The following ABI3 variants were observed in gnomAD, a reference collection of about 807,000 sequenced individuals.
ABI3 encodes ABI family member 3.
A neutral mutation model predicts 37.0 loss-of-function variants in ABI3; 24 were observed. The observed-to-expected ratio is 0.65, with a 90% CI of 0.47 to 0.91. The LOEUF (loss-of-function observed/expected upper bound fraction) is 0.91, where lower values mean the gene tolerates loss of function less well. Ranked by LOEUF, ABI3 falls within the 40% of genes least tolerant of loss-of-function variation. ABI3 has a pLI of 0.00. For synonymous variants in ABI3, 220 were observed against 211.8 expected (o/e 1.04, Z -0.34); for missense variants, 481 against 485.1 (o/e 0.99, Z 0.08).
At chr17:49,220,097 G>A (rs1028618093) in intron 5 of ABI3, 72 bp from the exon 6 acceptor site, 10 of 1,602,340 alleles carry the variant, frequency 6.2e-6, no homozygotes, top group South Asian at 2.2e-5. Context: ...GGTCAGGATT[G>A]GAGGGGTGGG....
chr17:49,216,257 C>T (rs1277254237), intron 1 of ABI3, among the ~76,000 whole-genome samples: 2 of 152,086 alleles, frequency 1.3e-5, no homozygotes, highest in Non-Finnish European at 2.9e-5. Flanking sequence ...GTACTCAGTC[C>T]TCAGCTTAAC....
At chr17:49,218,770 ATTT>A (rs71144583) in intron 3 of ABI3, among the ~76,000 whole-genome samples, 5 of 131,770 alleles carry the variant, frequency 3.8e-5, no homozygotes, top group African/African-American at 1.5e-4. Flanking sequence ...TGCCCGGCTA[ATTT>A]TTTTTTTTTT....
At chr17:49,221,019 A>G (rs982131907) in intron 6 of ABI3, among the ~76,000 whole-genome samples, 1 of 138,686 alleles carries the variant, frequency 7.2e-6, no homozygotes. Context: ...CTAAAAATAC[A>G]AAAATTAGCC....
At chr17:49,222,337 A>T in intron 7 of ABI3, 112 bp downstream of exon 7, 2 of 1,450,512 alleles carry the variant, frequency 1.4e-6, no homozygotes, top group Non-Finnish European at 9.2e-7. Flanking sequence ...CCCCCACACA[A>T]TTTTTCTGAC....
chr17:49,213,461 C>G (rs2143513880), intron 1 of ABI3, among the ~76,000 whole-genome samples: 1 of 152,238 alleles, frequency 6.6e-6, no homozygotes, highest in East Asian at 1.9e-4. Context: ...ATTCCCCTAC[C>G]CTCCAACCCC....
At position 49,219,444 on chromosome 17, in the gene ABI3, G is replaced by A. The variant is rs2043255021; in HGVS notation, c.463-96G>A. 8 of 1,125,420 alleles carry A rather than the reference G, an allele frequency of 7.1e-6. No homozygotes were observed. The Admixed American group carries it at 1.2e-4, about 17-fold the overall frequency. The allele number at this position is 1,125,420 out of a possible 1,614,324, so 69.7% of individuals were successfully genotyped here. A position where few individuals can be genotyped will look rare whatever the true frequency, so the allele number is the denominator to read the frequency against. On this transcript the variant is annotated intron_variant, in intron 3 of 7. Coordinates refer to ENST00000225941, the MANE Select transcript of ABI3 (RefSeq NM_016428.3). This position sits in a 1 kb window ranked among gnomAD's most constrained non-coding sequence, Gnocchi z 4.3. Reference sequence around the variant, plus strand: ...CTGGCTATGCCGGGCTCTCCCTCCCGGTTCCCGTCCGCCCCTCCTCCATTT... The same window carrying A: ...CTGGCTATGCCGGGCTCTCCCTCCCAGTTCCCGTCCGCCCCTCCTCCATTT...
At chr17:49,215,967 T>C (rs9896800) in intron 1 of ABI3, among the ~76,000 whole-genome samples, 69,876 of 151,028 alleles carry the variant, frequency 0.46, 18,469 homozygotes, top group African/African-American at 0.7. Context: ...CAAAATAAGC[T>C]GGGCGTGGTG....
chr17:49,210,771 G>T lies in ABI3; in HGVS notation c.47G>T (p.Arg16Leu). Reference sequence around the variant, plus strand: ...CAGGAGTTTGAGATCCCCACTGGCCGGGAGGCTCTGAGGGGCAACCACAGT... The same window carrying T: ...CAGGAGTTTGAGATCCCCACTGGCCTGGAGGCTCTGAGGGGCAACCACAGT... Reference protein sequence around the residue: ...QLQEFEIPTGREALRGNHSAL... With the variant: ...QLQEFEIPTGLEALRGNHSAL... The change falls in exon 1 of 8, where the codon CGG becomes CTG. Residue 16 changes from arginine (R) to leucine (L), a missense_variant. Arg to Leu is a moderately radical substitution (Grantham distance 102). Coordinates refer to ENST00000225941, the MANE Select transcript of ABI3 (RefSeq NM_016428.3). The surrounding 1 kb of genome is among the most constrained non-coding windows in gnomAD (Gnocchi z 4.2). 1 of 1,555,624 alleles carries T rather than the reference G, an allele frequency of 6.4e-7. No individual in the cohort carries two copies.
rs1321185893 is a variant in ABI3, at chr17:49,220,317, C to T, written c.793C>T (p.Pro265Ser). 1.3e-6 allele frequency: 2 copies of T among 1,587,128 alleles called. No homozygotes were observed. The highest frequency in any genetic ancestry group is 1.1e-5 in the South Asian group (1 of 87,518). ...RPPTLEELSP[P>S]PPDEELPLPL... is the part of the protein sequence containing the mutation. The stretch of plus-strand genomic sequence containing the variant: ...TCCCACGCTGGAGGAGTTGTCCCCA[C>T]CCCCACCGGGTAAGGAGGTCCACCC... The change falls in exon 6 of 8, where the codon CCC (proline) becomes TCC (serine). Residue 265 changes from proline (P) to serine (S), a missense_variant. Coordinates refer to ENST00000225941, the MANE Select transcript of ABI3 (RefSeq NM_016428.3).
chr17:49,222,471 G>C, intron 7 of ABI3, 81 bp from the exon 8 acceptor site: 1 of 1,525,616 alleles, frequency 6.6e-7, no homozygotes. Context: ...ACTTGAGACC[G>C]TGCATCCCCA....
At chr17:49,214,029 AG>A (rs1260996546) in intron 1 of ABI3, among the ~76,000 whole-genome samples, 23 of 152,370 alleles carry the variant, frequency 1.5e-4, no homozygotes, top group Admixed American at 9.8e-4. Context: ...CATGCAAATG[AG>A]CATCTCTTTC....
chr17:49,220,037 C>T (rs1489374795), intron 5 of ABI3, 84 bp downstream of exon 5: 6 of 1,533,184 alleles, frequency 3.9e-6, no homozygotes, highest in African/African-American at 1.4e-5. Context: ...CATAGTGACT[C>T]CTGGGCTTGA....
intron 6 of ABI3, among the ~76,000 whole-genome samples, chr17:49,221,194 G>A (rs1430692216): frequency 4.0e-5 from 6 of 151,100 alleles, no homozygotes; most frequent in Admixed American, 6.6e-5. Flanking sequence ...ATAAAGGCCG[G>A]GTGTGGTGGC....
At position 49,219,746 on chromosome 17, in the gene ABI3, G is replaced by A; in HGVS notation, c.549-112G>A. Reference sequence around the variant, plus strand: ...GGGTGCTCAGGCCGTCATGCTGGATGCCTGGCGCCAAACCTCCCCCTCGGC... The same window carrying A: ...GGGTGCTCAGGCCGTCATGCTGGATACCTGGCGCCAAACCTCCCCCTCGGC... On this transcript the variant is annotated intron_variant, in intron 4 of 7. Coordinates refer to ENST00000225941, the MANE Select transcript of ABI3 (RefSeq NM_016428.3). The surrounding 1 kb of genome is among the most constrained non-coding windows in gnomAD (Gnocchi z 4.3). The A allele has an allele frequency of 7.1e-7, 1 of 1,407,896 alleles. No individual in the cohort carries two copies. The highest frequency in any genetic ancestry group is 9.7e-7 in the Non-Finnish European group (1 of 1,028,086). 87.2% of individuals were successfully genotyped at this position (1,407,896 alleles called of 1,614,324 possible). A position where few individuals can be genotyped will look rare whatever the true frequency, so the allele number is the denominator to read the frequency against.
At chr17:49,214,214 A>G (rs2043198689) in intron 1 of ABI3, among the ~76,000 whole-genome samples, 1 of 152,008 alleles carries the variant, frequency 6.6e-6, no homozygotes, top group Non-Finnish European at 1.5e-5. Context: ...AAGCAAGGGG[A>G]CCCCAGTGTG....
chr17:49,217,611 G>T (rs994088030), intron 2 of ABI3, 128 bp from the exon 3 acceptor site: 2 of 769,430 alleles, frequency 2.6e-6, no homozygotes, highest in Non-Finnish European at 3.8e-6. Context: ...GGGGCGGGGG[G>T]CAGGGCCCTC....
chr17:49,219,832 A>C lies in ABI3; in HGVS notation c.549-26A>C. On this transcript the variant is annotated intron_variant, in intron 4 of 7. Transcript: ENST00000225941. The surrounding 1 kb of genome is among the most constrained non-coding windows in gnomAD (Gnocchi z 4.3). ...GCCAGAAGCCTTCCTCCTTCCTCCT[A>C]ATACCCACTCCCTGCCCCCCGCCAG... is the stretch of plus-strand genomic sequence containing the variant. 6.5e-7 allele frequency: 1 copy of C among 1,535,924 alleles called. No individual in the cohort carries two copies. The highest frequency in any genetic ancestry group is 2.4e-5 in the East Asian group (1 of 40,896).
intron 6 of ABI3, 26 bp from the exon 7 acceptor site, chr17:49,222,065 T>TA (rs2043296002): frequency 1.3e-6 from 2 of 1,570,908 alleles, no homozygotes; most frequent in Non-Finnish European, 1.7e-6. Flanking sequence ...GTGCCACACT[T>TA]ACAGCCTTTC....
At position 49,222,905 on chromosome 17, in the gene ABI3, A is replaced by C; in HGVS notation, c.*190A>C. On this transcript the variant is annotated 3_prime_UTR_variant, in exon 8 of 8. Transcript: ENST00000225941. ...GAGAATTTATCCAGAGGCCTGCTGC[A>C]GATGGGGAAGAGCTGGAAACCAAGA... is the stretch of plus-strand genomic sequence containing the variant. 1.5e-6 allele frequency: 1 copy of C among 669,488 alleles called. No homozygotes were observed. Among genetic ancestry groups the C allele is most frequent in the Admixed American group, 3.0e-5 (1 of 33,656 alleles). The allele number at this position is 669,488 out of a possible 1,614,324, so 41.5% of individuals were successfully genotyped here. A position where few individuals can be genotyped will look rare whatever the true frequency, so the allele number is the denominator to read the frequency against.
Sources: gnomAD v4.1 joint callset for allele counts (sites outside exome capture counted in the v4.1 genomes callset) on GRCh38, gnomAD v4.1.1 for gene constraint, Gnocchi (gnomAD v3.1) non-coding constraint, MANE v1.5 for transcripts, NCBI Gene and HGNC (gene_info 2026-07-23, HGNC 2026-07-21) for gene names.